The following L3MBTL4 variants were observed in gnomAD, a reference collection of about 807,000 sequenced individuals.
L3MBTL4 encodes the protein L3MBTL histone methyl-lysine binding protein 4.
A neutral mutation model predicts 84.5 loss-of-function variants in L3MBTL4; 70 were observed. That is an observed-to-expected ratio of 0.83 (90% CI 0.68 to 1.01). The LOEUF (loss-of-function observed/expected upper bound fraction) is 1.01. Among genes scored for constraint, L3MBTL4 ranks in the 50% least tolerant of loss-of-function variants. The pLI, the probability that L3MBTL4 is intolerant of heterozygous loss-of-function variation, is 0.00. For missense variants in L3MBTL4, 715 were observed against 754.8 expected (o/e 0.95, Z 0.62); for synonymous variants, 274 against 259.8 (o/e 1.05, Z -0.52).
chr18:5,979,818 A>T (rs887435310), intron 16 of L3MBTL4, among the ~76,000 whole-genome samples: 1 of 152,206 alleles, frequency 6.6e-6, no homozygotes, highest in Admixed American at 6.5e-5. Flanking sequence ...GAATCTCAAG[A>T]CAGGTCCCTG....
At position 6,263,269 on chromosome 18, in the gene L3MBTL4, CAA is replaced by C. The variant is rs750079581; in HGVS notation, c.219+676_219+677del. 5.2e-3 allele frequency among the ~76,000 whole-genome samples: 314 copies of C among 60,652 alleles called. 1 individual carries two copies. Among genetic ancestry groups the C allele is most frequent in the African/African-American group, 0.016 (278 of 17,832 alleles). 39.8% of individuals were successfully genotyped at this position (60,652 alleles called of 152,430 possible). Reference sequence around the variant, plus strand: ...GGCGATAGAGCCAGACTCCGTCTCACAAAAAAAAAAAAAAAGAAAAAAAAAAG... The same window carrying C: ...GGCGATAGAGCCAGACTCCGTCTCACAAAAAAAAAAAAAGAAAAAAAAAAG... On this transcript the variant is annotated intron_variant, in intron 5 of 18. Coordinates refer to ENST00000317931, the MANE Select transcript of L3MBTL4 (RefSeq NM_001330559.2).
At chr18:6,405,028 A>T in intron 1 of L3MBTL4, among the ~76,000 whole-genome samples, 1 of 152,124 alleles carries the variant, frequency 6.6e-6, no homozygotes, top group East Asian at 1.9e-4. Flanking sequence ...TTTTGCTGAC[A>T]TGTTTAAATG....
intron 16 of L3MBTL4, among the ~76,000 whole-genome samples, chr18:5,990,171 GT>G (rs1033401452): frequency 1.3e-5 from 2 of 152,170 alleles, no homozygotes; most frequent in Non-Finnish European, 2.9e-5. Flanking sequence ...TCAAAGTAGG[GT>G]TATAAAAAGG....
At chr18:6,288,656 T>C (rs56939789) in intron 4 of L3MBTL4, among the ~76,000 whole-genome samples, 28,616 of 151,958 alleles carry the variant, frequency 0.19, 2,795 homozygotes, top group African/African-American at 0.24. Context: ...ACCCATGTAT[T>C]TAACTTTAAG....
intron 16 of L3MBTL4, among the ~76,000 whole-genome samples, chr18:6,038,205 A>T (rs535324987): frequency 1.3e-4 from 19 of 151,456 alleles, no homozygotes; most frequent in African/African-American, 4.1e-4. Context: ...TTTAACAGAG[A>T]TACCAGAAAA....
At chr18:6,188,753 T>C (rs536575995) in intron 12 of L3MBTL4, among the ~76,000 whole-genome samples, 93 of 152,324 alleles carry the variant, frequency 6.1e-4, no homozygotes, top group African/African-American at 2.2e-3. Flanking sequence ...GAGCTGGCTG[T>C]CATTGAGTGC....
intron 1 of L3MBTL4, among the ~76,000 whole-genome samples, chr18:6,318,227 C>T (rs188929343): frequency 6.6e-6 from 1 of 152,076 alleles, no homozygotes; most frequent in Admixed American, 6.5e-5. Flanking sequence ...TAACAATTAA[C>T]ATGATGACTG....
rs1000546769 is a variant in L3MBTL4, at chr18:6,006,492, A to T, written c.1445-36930T>A. Among the ~76,000 whole-genome samples, 4 of 152,338 alleles carry T rather than the reference A, an allele frequency of 2.6e-5. No individual in the cohort carries two copies. The East Asian group carries it at 7.7e-4, about 29-fold the overall frequency. ...ATATTATTGAGTAAAATCTGGTGTG[A>T]AGGGGAGGAGAAGAAAACATCATTT... On this transcript the variant is annotated intron_variant, in intron 16 of 18. Coordinates refer to ENST00000317931, the MANE Select transcript of L3MBTL4 (RefSeq NM_001330559.2).
At chr18:5,982,208 G>C (rs1193575675) in intron 16 of L3MBTL4, among the ~76,000 whole-genome samples, 1 of 152,116 alleles carries the variant, frequency 6.6e-6, no homozygotes, top group African/African-American at 2.4e-5. Flanking sequence ...ACCGGAGTGA[G>C]ACCTGCACTC....
At chr18:5,971,127 C>T in intron 16 of L3MBTL4, among the ~76,000 whole-genome samples, 1 of 152,184 alleles carries the variant, frequency 6.6e-6, no homozygotes, top group East Asian at 1.9e-4. Context: ...AGTATGTAAG[C>T]CTGCAGGTTC....
intron 14 of L3MBTL4, among the ~76,000 whole-genome samples, chr18:6,101,835 G>GA (rs1281284515): frequency 4.6e-5 from 7 of 152,148 alleles, no homozygotes; most frequent in African/African-American, 1.7e-4. Context: ...CCAGAAGAAG[G>GA]AGCCATTATT....
chr18:5,956,319 C>G lies in L3MBTL4; in HGVS notation c.1746G>C (p.Leu582=). ...AGTTGTAAATCTTCAGTGCTGGGCC[C>G]AGTTTGATCTTCATCACTTTGACAA... The part of the protein sequence containing the change: ...TDIVKVMKIK[L]GPALKIYNSI... The change falls in exon 19 of 19, where the codon CTG becomes CTC. Residue 582 remains leucine, a synonymous_variant. Transcript: ENST00000317931. The G allele has an allele frequency of 6.2e-7, 1 of 1,614,098 alleles. No homozygotes were observed.
intron 1 of L3MBTL4, among the ~76,000 whole-genome samples, chr18:6,319,475 T>C (rs2051292725): frequency 6.6e-6 from 1 of 151,840 alleles, no homozygotes; most frequent in Non-Finnish European, 1.5e-5. Flanking sequence ...TAGAAATATA[T>C]AAAATCATTT....
intron 4 of L3MBTL4, among the ~76,000 whole-genome samples, chr18:6,265,637 T>G (rs1426967360): frequency 6.6e-6 from 1 of 152,238 alleles, no homozygotes; most frequent in Non-Finnish European, 1.5e-5. Flanking sequence ...AAACGGTGTC[T>G]ATTTAGATCA....
chr18:6,006,688 T>C (rs2054502073), intron 16 of L3MBTL4, among the ~76,000 whole-genome samples: 1 of 152,204 alleles, frequency 6.6e-6, no homozygotes, highest in Non-Finnish European at 1.5e-5. Flanking sequence ...CTCCTACAAC[T>C]GATCTAGCAG....
chr18:5,992,249 GAC>G (rs2053735217), intron 16 of L3MBTL4, among the ~76,000 whole-genome samples: 1 of 152,174 alleles, frequency 6.6e-6, no homozygotes, highest in Admixed American at 6.5e-5. Context: ...CCCTCAGGTG[GAC>G]AGAAGCCTGT....
At chr18:6,390,298 A>G (rs1277912456) in intron 1 of L3MBTL4, among the ~76,000 whole-genome samples, 1 of 152,168 alleles carries the variant, frequency 6.6e-6, no homozygotes, top group Admixed American at 6.6e-5. Flanking sequence ...ATAGTGACAC[A>G]AGTTATCAAA....
chr18:6,284,278 T>C (rs1381632277), intron 4 of L3MBTL4, among the ~76,000 whole-genome samples: 1 of 152,192 alleles, frequency 6.6e-6, no homozygotes, highest in Non-Finnish European at 1.5e-5. Context: ...AACAGCAATT[T>C]AGCAAAACAG....
rs543743073 is a variant in L3MBTL4 at position 6,065,182 on chromosome 18, C to A, written c.1444+15699G>T. Among the ~76,000 whole-genome samples, 4 of 152,152 alleles carry A rather than the reference C, an allele frequency of 2.6e-5. No individual in the cohort carries two copies. In the East Asian group the frequency reaches 7.7e-4, roughly 29 times the overall value. On this transcript the variant is annotated intron_variant, in intron 16 of 18. Transcript: ENST00000317931. ...ACTTGCATATGTTAAACCATACCTG[C>A]AACCCTGGGATGAAATCTACTTGAT...
Sources: allele counts gnomAD v4.1 joint callset (sites outside exome capture counted in the v4.1 genomes callset), GRCh38; gene constraint gnomAD v4.1.1; transcripts MANE v1.5; gene names NCBI Gene and HGNC (gene_info 2026-07-23, HGNC 2026-07-21).